SPATA13: variants seen among roughly 807,000 people sequenced by gnomAD.
The protein encoded by SPATA13 is spermatogenesis associated 13.
In SPATA13, 50 loss-of-function variants were observed where a neutral mutation model predicts 104.0. That is an observed-to-expected ratio of 0.48 (90% CI 0.38 to 0.61). The LOEUF (loss-of-function observed/expected upper bound fraction) is 0.61. Among genes scored for constraint, SPATA13 ranks in the 20% least tolerant of loss-of-function variants. SPATA13 has a pLI of 0.00. For missense variants in SPATA13, 1,524 were observed against 1,690.6 expected (o/e 0.90, Z 1.73); for synonymous variants, 606 against 667.5 (o/e 0.91, Z 1.42).
chr13:24,045,288 G>A (rs6490860), intron 3 of SPATA13, among the ~76,000 whole-genome samples: 70,187 of 151,734 alleles, frequency 0.46, 16,953 homozygotes, highest in African/African-American at 0.61. Flanking sequence ...TTTAATATTC[G>A]ACCATGACCT....
intron 2 of SPATA13, among the ~76,000 whole-genome samples, chr13:24,247,958 C>A (rs994969986): frequency 6.6e-6 from 1 of 152,094 alleles, no homozygotes; most frequent in Admixed American, 6.5e-5. Flanking sequence ...GGCACAAGCT[C>A]TGTGAGCTCC....
intron 3 of SPATA13, among the ~76,000 whole-genome samples, chr13:24,024,879 C>T (rs769525674): frequency 6.6e-6 from 1 of 150,702 alleles, no homozygotes; most frequent in African/African-American, 2.4e-5. Context: ...GGTAACATAG[C>T]GAGAACCCCC....
rs1871723515 is a variant in SPATA13 at position 24,223,437 on chromosome 13, T to C, written c.508T>C (p.Cys170Arg). 1.3e-6 allele frequency: 2 copies of C among 1,550,786 alleles called. No individual in the cohort carries two copies. Among genetic ancestry groups the C allele is most frequent in the African/African-American group, 1.4e-5 (1 of 73,048 alleles). Residue 170 changes from cysteine (C) to arginine (R), a missense_variant, in exon 2 of 13, where the codon TGT (cysteine) becomes CGT (arginine). Cys to Arg is a radical substitution (Grantham distance 180). Around this residue, in one of 2 missense-constraint regions of SPATA13, gnomAD observed 1,089 missense variants for 1,135.9 expected, o/e 0.96. Transcript: ENST00000382108. ...RGSPLAPGPACGALRPAEWGT... is the reference protein window; with the variant it reads ...RGSPLAPGPARGALRPAEWGT... ...CTCCCCCTTAGCACCGGGACCAGCA[T>C]GTGGTGCCCTCAGGCCAGCAGAGTG... is the stretch of plus-strand genomic sequence containing the variant.
At chr13:24,077,401 T>C (rs1438897906) in intron 3 of SPATA13, among the ~76,000 whole-genome samples, 1 of 151,556 alleles carries the variant, frequency 6.6e-6, no homozygotes, top group African/African-American at 2.4e-5. Flanking sequence ...CATGTGATCA[T>C]ACTGGAACGA....
In SPATA13 at chr13:24,238,132, C is replaced by CTTTTTTTTT. The variant is rs66810619; in HGVS notation, c.1654-11331_1654-11323dup. Among the ~76,000 whole-genome samples, 18 of 77,136 alleles carry CTTTTTTTTT rather than the reference C, an allele frequency of 2.3e-4. 1 individual carries two copies. Among genetic ancestry groups the CTTTTTTTTT allele is most frequent in the South Asian group, 4.4e-4 (1 of 2,286 alleles). 50.6% of individuals were successfully genotyped at this position (77,136 alleles called of 152,430 possible). On this transcript the variant is annotated intron_variant, in intron 2 of 12. Transcript: ENST00000382108. The stretch of plus-strand genomic sequence containing the variant: ...TCCAGCCCAAACCAGTTCTTCTTGA[C>CTTTTTTTTT]TTTTTTTTTTTTTTTTTTTTTTGAG...
intron 3 of SPATA13, among the ~76,000 whole-genome samples, chr13:24,029,488 A>G (rs1476474043): frequency 1.3e-5 from 2 of 152,216 alleles, no homozygotes; most frequent in African/African-American, 4.8e-5. Flanking sequence ...TTGAATTTCA[A>G]TTAAACAATA....
intron 1 of SPATA13, among the ~76,000 whole-genome samples, chr13:24,210,766 G>GTTTTTTTTTTTTTTTTTTTTTTT (rs58789886): frequency 1.5e-5 from 2 of 137,444 alleles, no homozygotes; most frequent in Non-Finnish European, 3.1e-5. Flanking sequence ...GAATTTTAGG[G>GTTTTTTTTTTTTTTTTTTTTTTT]TTTTTTTTTT....
At chr13:24,235,986 A>C (rs901360730) in intron 2 of SPATA13, among the ~76,000 whole-genome samples, 1 of 152,208 alleles carries the variant, frequency 6.6e-6, no homozygotes, top group East Asian at 1.9e-4. Context: ...GCCACTTGTG[A>C]CATAGGTGAT....
chr13:23,985,330 G>A (rs986552658), intron 2 of SPATA13, among the ~76,000 whole-genome samples: 1 of 152,256 alleles, frequency 6.6e-6, no homozygotes, highest in East Asian at 1.9e-4. Context: ...AGCACACACA[G>A]GGAATCATGG....
intron 3 of SPATA13, among the ~76,000 whole-genome samples, chr13:24,137,607 A>G (rs2138452218): frequency 6.6e-6 from 1 of 152,150 alleles, no homozygotes; most frequent in African/African-American, 2.4e-5. Context: ...AAAAAATACA[A>G]AAATTAGGCA....
At chr13:24,176,864 A>G (rs900890449) in intron 1 of SPATA13, among the ~76,000 whole-genome samples, 1 of 152,094 alleles carries the variant, frequency 6.6e-6, no homozygotes, top group Non-Finnish European at 1.5e-5. Context: ...CCTGGGTTCA[A>G]GGGCTTCTTG....
chr13:24,263,816 C>T (rs1252715403), intron 4 of SPATA13, among the ~76,000 whole-genome samples: 1 of 152,232 alleles, frequency 6.6e-6, no homozygotes, highest in African/African-American at 2.4e-5. Flanking sequence ...AATCAATTCA[C>T]TTATCAGTAC....
chr13:24,046,083 GA>G (rs1178584427), intron 3 of SPATA13, among the ~76,000 whole-genome samples: 5 of 152,294 alleles, frequency 3.3e-5, no homozygotes, highest in African/African-American at 1.2e-4. Flanking sequence ...CCATGCGTTA[GA>G]TTTTTTTTTA....
intron 3 of SPATA13, among the ~76,000 whole-genome samples, chr13:24,093,061 G>T (rs1442136166): frequency 6.6e-6 from 1 of 152,204 alleles, no homozygotes; most frequent in East Asian, 1.9e-4. Context: ...CATTTTGTTA[G>T]TAAGGTCACA....
chr13:24,025,750 A>G (rs966499476), intron 3 of SPATA13, among the ~76,000 whole-genome samples: 5 of 151,960 alleles, frequency 3.3e-5, no homozygotes, highest in Non-Finnish European at 7.4e-5. Context: ...GCTGTTAGCC[A>G]TTCACATTTT....
intron 2 of SPATA13, among the ~76,000 whole-genome samples, chr13:23,992,619 G>T (rs1875466614): frequency 6.6e-6 from 1 of 152,206 alleles, no homozygotes; most frequent in South Asian, 2.1e-4. Context: ...GATGAGGTCT[G>T]AAGGGTCAAT....
chr13:24,002,661 A>G (rs1593268982), intron 2 of SPATA13, among the ~76,000 whole-genome samples: 1 of 152,086 alleles, frequency 6.6e-6, no homozygotes, highest in African/African-American at 2.4e-5. Context: ...TTGGAATAGG[A>G]CTGCCGCAAG....
intron 1 of SPATA13, among the ~76,000 whole-genome samples, chr13:24,216,282 T>C (rs1871256789): frequency 6.6e-6 from 1 of 152,222 alleles, no homozygotes; most frequent in South Asian, 2.1e-4. Context: ...CTTTGTGGTC[T>C]AAGACCTGCC....
At chr13:24,140,600 C>G (rs1055901369) in intron 3 of SPATA13, among the ~76,000 whole-genome samples, 4 of 152,328 alleles carry the variant, frequency 2.6e-5, no homozygotes, top group African/African-American at 9.6e-5. Context: ...CTCATGTGTG[C>G]CCCTGCTCTT....
Sources: gnomAD v4.1 joint callset for allele counts (sites outside exome capture counted in the v4.1 genomes callset) on GRCh38, gnomAD v4.1.1 for gene constraint, gnomAD v4.1.1 regional missense constraint, MANE v1.5 for transcripts, NCBI Gene and HGNC (gene_info 2026-07-23, HGNC 2026-07-21) for gene names.